Variants in ANKS1B observed in about 807,000 individuals in gnomAD.
ANKS1B encodes the protein ankyrin repeat and sterile alpha motif domain-containing protein 1B.
In ANKS1B, 36 loss-of-function variants were observed where a neutral mutation model predicts 148.3. The ratio of observed to expected loss-of-function variants is 0.24; its 90% CI spans 0.19 to 0.32. The LOEUF is 0.32. Ranked by LOEUF, ANKS1B falls within the 10% of genes least tolerant of loss-of-function variation. The pLI is 1.00. For synonymous variants in ANKS1B, 542 were observed against 560.8 expected (o/e 0.97, Z 0.47); for missense variants, 1,157 against 1,542.6 (o/e 0.75, Z 4.19).
At chr12:98,811,831 G>GA (rs1403242268) in intron 19 of ANKS1B, among the ~76,000 whole-genome samples, 2 of 151,990 alleles carry the variant, frequency 1.3e-5, no homozygotes, top group African/African-American at 2.4e-5. Flanking sequence ...GTACCTACAG[G>GA]AAAATTCCCA....
intron 1 of ANKS1B, among the ~76,000 whole-genome samples, chr12:99,930,903 T>C (rs1389810167): frequency 3.3e-5 from 5 of 152,286 alleles, no homozygotes; most frequent in South Asian, 2.1e-4. Context: ...GGTATGTTTA[T>C]AGCGGCACTA....
At chr12:99,408,148 G>C (rs1422845549) in intron 11 of ANKS1B, among the ~76,000 whole-genome samples, 1 of 145,632 alleles carries the variant, frequency 6.9e-6, no homozygotes, top group Non-Finnish European at 1.5e-5. Context: ...CATAGAAGCA[G>C]ACAAATAGAC....
chr12:99,199,499 A>T (rs1431927971), intron 14 of ANKS1B, among the ~76,000 whole-genome samples: 1 of 152,108 alleles, frequency 6.6e-6, no homozygotes, highest in Admixed American at 6.5e-5. Flanking sequence ...AAACAAAATA[A>T]AGAGCCAGTC....
chr12:99,632,217 T>G (rs939217504), intron 9 of ANKS1B, among the ~76,000 whole-genome samples: 1 of 152,078 alleles, frequency 6.6e-6, no homozygotes, highest in South Asian at 2.1e-4. Context: ...TATAGCAACA[T>G]CCATATAATG....
intron 17 of ANKS1B, among the ~76,000 whole-genome samples, chr12:98,973,140 C>G (rs2099884884): frequency 6.6e-6 from 1 of 151,314 alleles, no homozygotes. Context: ...TGTTCAAATA[C>G]TTTTTCTCTA....
At chr12:99,445,849 G>A (rs1350378461) in intron 10 of ANKS1B, among the ~76,000 whole-genome samples, 1 of 151,878 alleles carries the variant, frequency 6.6e-6, no homozygotes, top group Non-Finnish European at 1.5e-5. Flanking sequence ...AGCATCCTGA[G>A]TATCTGGGAC....
chr12:98,757,558 C>T (rs1214268650), intron 25 of ANKS1B, among the ~76,000 whole-genome samples: 1 of 152,050 alleles, frequency 6.6e-6, no homozygotes, highest in African/African-American at 2.4e-5. Context: ...CCACCCGGTC[C>T]CCTGGCTGCC....
At chr12:99,961,098 A>G (rs2095406078) in intron 1 of ANKS1B, among the ~76,000 whole-genome samples, 1 of 152,078 alleles carries the variant, frequency 6.6e-6, no homozygotes, top group Non-Finnish European at 1.5e-5. Context: ...GCGTGGTGAC[A>G]GGCGCCTGTA....
chr12:98,992,235 T>G (rs2153288310), intron 17 of ANKS1B, among the ~76,000 whole-genome samples: 1 of 152,338 alleles, frequency 6.6e-6, no homozygotes, highest in Non-Finnish European at 1.5e-5. Flanking sequence ...TTGTTGTGTC[T>G]TCTGCCTGGA....
intron 10 of ANKS1B, among the ~76,000 whole-genome samples, chr12:99,479,898 C>A (rs959113358): frequency 4.0e-5 from 6 of 151,740 alleles, no homozygotes; most frequent in Non-Finnish European, 5.9e-5. Flanking sequence ...TAAATGTTCT[C>A]ACTACAAATA....
At chr12:99,277,639 C>T (rs565186471) in intron 12 of ANKS1B, among the ~76,000 whole-genome samples, 26 of 152,266 alleles carry the variant, frequency 1.7e-4, no homozygotes, top group African/African-American at 5.5e-4. Context: ...CTTGAGTCCT[C>T]GGTACTGTTC....
intron 14 of ANKS1B, among the ~76,000 whole-genome samples, chr12:99,241,938 TATC>T (rs1286215959): frequency 1.3e-5 from 2 of 152,144 alleles, no homozygotes; most frequent in African/African-American, 2.4e-5. Context: ...CCACAGCCAA[TATC>T]ATACTGAACG....
At chr12:99,234,671 C>A (rs12369669) in intron 14 of ANKS1B, among the ~76,000 whole-genome samples, 1 of 152,028 alleles carries the variant, frequency 6.6e-6, no homozygotes, top group Non-Finnish European at 1.5e-5. Flanking sequence ...TATTAGTATT[C>A]TCATTTCTGT....
chr12:99,016,821 T>A (rs1161261518), intron 17 of ANKS1B, among the ~76,000 whole-genome samples: 1 of 152,218 alleles, frequency 6.6e-6, no homozygotes, highest in African/African-American at 2.4e-5. Flanking sequence ...ACAGTATTGC[T>A]TCAGAGAACA....
At position 99,433,218 on chromosome 12, in the gene ANKS1B, T is replaced by C. The variant is rs143667523; in HGVS notation, c.1575+10455A>G. On this transcript the variant is annotated intron_variant, in intron 11 of 26. Coordinates refer to ENST00000683438, the MANE Select transcript of ANKS1B (RefSeq NM_001352186.2). ...ATCCCTTGATGCCCTTAAAAATTAATAACACTGAAGATTTTTTGTTCATGA... is the reference window on the plus strand; with the variant it reads ...ATCCCTTGATGCCCTTAAAAATTAACAACACTGAAGATTTTTTGTTCATGA... Among the ~76,000 whole-genome samples the C allele has an allele frequency of 3.8e-3, 576 of 152,274 alleles. 8 individuals are homozygous for C. Among genetic ancestry groups the C allele is most frequent in the African/African-American group, 0.012 (496 of 41,558 alleles).
intron 1 of ANKS1B, among the ~76,000 whole-genome samples, chr12:99,936,119 C>T (rs1166744285): frequency 6.6e-6 from 1 of 152,070 alleles, no homozygotes; most frequent in Non-Finnish European, 1.5e-5. Flanking sequence ...TTACCTCCAC[C>T]TGGTCCTGCC....
At chr12:99,769,389 T>C (rs1723393762) in intron 8 of ANKS1B, among the ~76,000 whole-genome samples, 1 of 152,208 alleles carries the variant, frequency 6.6e-6, no homozygotes, top group African/African-American at 2.4e-5. Flanking sequence ...AGAGCCTCTC[T>C]AGGTAAATCT....
At chr12:99,601,766 T>C (rs990313946) in intron 9 of ANKS1B, among the ~76,000 whole-genome samples, 4 of 152,064 alleles carry the variant, frequency 2.6e-5, no homozygotes, top group African/African-American at 9.7e-5. Flanking sequence ...GACAGTTGTG[T>C]AGAAATGAGA....
intron 14 of ANKS1B, among the ~76,000 whole-genome samples, chr12:99,168,192 TTG>T (rs2077379100): frequency 6.6e-6 from 1 of 152,214 alleles, no homozygotes; most frequent in African/African-American, 2.4e-5. Context: ...ATGCCGTTTG[TTG>T]TAGGTTAATG....
Sources: allele counts gnomAD v4.1 joint callset (sites outside exome capture counted in the v4.1 genomes callset), GRCh38; gene constraint gnomAD v4.1.1; transcripts MANE v1.5; gene names NCBI Gene and HGNC (gene_info 2026-07-23, HGNC 2026-07-21).